DHRSX: variants seen among roughly 807,000 people sequenced by gnomAD.
DHRSX encodes dehydrogenase/reductase X-linked.
In DHRSX, 31 loss-of-function variants were observed where a neutral mutation model predicts 34.0. That is an observed-to-expected ratio of 0.91 (90% CI 0.69 to 1.23). The LOEUF (loss-of-function observed/expected upper bound fraction) is 1.23, where lower values mean the gene tolerates loss of function less well. Ranked by LOEUF, DHRSX falls within the 50% of genes most tolerant of loss-of-function variation. The probability of loss-of-function intolerance (pLI) is 0.00; values close to 1 mark genes in which losing one functional copy is unlikely to be tolerated. For missense variants in DHRSX, 414 were observed against 428.1 expected, an observed-to-expected ratio of 0.97 and a Z score of 0.29; for synonymous variants, 201 against 183.8, an observed-to-expected ratio of 1.09 and a Z score of -0.76.
At chrX:2,480,263 C>G (rs2044748846) in intron 1 of DHRSX, among the ~76,000 whole-genome samples, 1 of 150,810 alleles carries the variant, frequency 6.6e-6, no homozygotes, top group Non-Finnish European at 1.5e-5. Context: ...GAACCAGGCA[C>G]AGAGAGACAA....
chrX:2,418,328 G>A (rs2317101), intron 2 of DHRSX, among the ~76,000 whole-genome samples: 123,113 of 151,940 alleles, frequency 0.81, 50,573 homozygotes, highest in East Asian at 0.94. Context: ...AATACAACTA[G>A]ACTTCATCAT....
intron 5 of DHRSX, among the ~76,000 whole-genome samples, chrX:2,264,648 C>T (rs1219040667): frequency 1.3e-5 from 2 of 150,762 alleles, no homozygotes; most frequent in African/African-American, 4.9e-5. Flanking sequence ...GTGCCCAGAA[C>T]ATCTGTGCCC....
At chrX:2,387,976 G>A (rs184808869) in intron 3 of DHRSX, among the ~76,000 whole-genome samples, 21 of 151,752 alleles carry the variant, frequency 1.4e-4, no homozygotes, top group Admixed American at 1.2e-3. Flanking sequence ...GTGCCAGGGA[G>A]GCATGGGGTA....
At chrX:2,367,667 C>T (rs897979140) in intron 3 of DHRSX, among the ~76,000 whole-genome samples, 15 of 151,862 alleles carry the variant, frequency 9.9e-5, no homozygotes, top group African/African-American at 2.7e-4. Flanking sequence ...ATTGGAGAGG[C>T]GTACCCAAGA....
At chrX:2,357,346 C>T (rs1286860160) in intron 3 of DHRSX, among the ~76,000 whole-genome samples, 7 of 151,596 alleles carry the variant, frequency 4.6e-5, no homozygotes, top group Admixed American at 1.3e-4. Context: ...GGAAAGGTTT[C>T]GTGCAAAGAA....
chrX:2,330,183 GAGA>G (rs2042447023), intron 3 of DHRSX, among the ~76,000 whole-genome samples: 1 of 146,040 alleles, frequency 6.8e-6, no homozygotes, highest in Non-Finnish European at 1.5e-5. Flanking sequence ...AGAGGAGGAG[GAGA>G]AGCAGGAGGA....
chrX:2,444,673 A>T (rs1321558646), intron 1 of DHRSX, among the ~76,000 whole-genome samples: 1 of 151,932 alleles, frequency 6.6e-6, no homozygotes, highest in Non-Finnish European at 1.5e-5. Flanking sequence ...TCTACAAATA[A>T]TTTTTTTAAA....
chrX:2,493,663 C>A (rs2045214240), intron 1 of DHRSX, among the ~76,000 whole-genome samples: 1 of 151,676 alleles, frequency 6.6e-6, no homozygotes, highest in South Asian at 2.1e-4. Flanking sequence ...GGTCTCAGTA[C>A]CTGTAGCAAA....
intron 5 of DHRSX, among the ~76,000 whole-genome samples, chrX:2,255,890 G>C (rs1255722800): frequency 6.6e-6 from 1 of 151,850 alleles, no homozygotes; most frequent in African/African-American, 2.4e-5. Context: ...CTCCAGCCTC[G>C]ATGCCTGGGT....
At position 2,236,774 on chromosome X, in the gene DHRSX, T is replaced by C. The variant is rs146249630; in HGVS notation, c.804+6249A>G. ...TGGAGCATGGGGGACTGGAAGTGAA[T>C]TGTATGAGCAATTCCTGTATGGGGA... On this transcript the variant is annotated intron_variant, in intron 6 of 6. Coordinates refer to ENST00000334651, the MANE Select transcript of DHRSX (RefSeq NM_145177.3). Among the ~76,000 whole-genome samples, 269 of 151,874 alleles carry C rather than the reference T, an allele frequency of 1.8e-3. 1 individual carries two copies. The highest frequency in any genetic ancestry group is 6.2e-3 in the African/African-American group (255 of 41,432).
Position 2,349,268 on chromosome X carries a change from G to A in DHRSX, c.287-57665C>T, listed in dbSNP as rs182855372. On this transcript the variant is annotated intron_variant, in intron 3 of 6. Transcript: ENST00000334651. ...AACCCAAGCGTTCAATAGATGAATG[G>A]ATGAAGAAAATGCGGTACAGCTGGG... Among the ~76,000 whole-genome samples the A allele has an allele frequency of 2.8e-3, 432 of 152,152 alleles. 3 individuals are homozygous for A. Among genetic ancestry groups the A allele is most frequent in the African/African-American group, 9.4e-3 (391 of 41,504 alleles).
intron 3 of DHRSX, among the ~76,000 whole-genome samples, chrX:2,340,460 G>GTATA (rs745970460): frequency 0.029 from 4,374 of 150,866 alleles, 101 homozygotes; most frequent in Middle Eastern, 0.14. Context: ...GTGTGTGTGT[G>GTATA]TATATATATA....
chrX:2,292,877 T>C (rs891726739), intron 3 of DHRSX, among the ~76,000 whole-genome samples: 9 of 152,218 alleles, frequency 5.9e-5, no homozygotes, highest in South Asian at 2.1e-4. Flanking sequence ...ATGTAACTAA[T>C]ACACAAAATG....
chrX:2,277,155 G>A (rs1480221335), intron 4 of DHRSX, among the ~76,000 whole-genome samples: 2 of 8,430 alleles, frequency 2.4e-4, no homozygotes, highest in Non-Finnish European at 4.1e-4. Flanking sequence ...GGAGGAAATA[G>A]GGGAAAGAGA....
chrX:2,319,012 C>T (rs2086454041), intron 3 of DHRSX, among the ~76,000 whole-genome samples: 1 of 152,112 alleles, frequency 6.6e-6, no homozygotes, highest in African/African-American at 2.4e-5. Flanking sequence ...AACTGCAGCC[C>T]TCTAGCAAAA....
At chrX:2,317,716 C>A (rs1262351602) in intron 3 of DHRSX, among the ~76,000 whole-genome samples, 3 of 152,124 alleles carry the variant, frequency 2.0e-5, no homozygotes, top group Admixed American at 6.6e-5. Context: ...ACACATTTTA[C>A]ATGGCAAAGT....
intron 5 of DHRSX, among the ~76,000 whole-genome samples, chrX:2,249,624 A>G (rs1276988591): frequency 7.0e-6 from 1 of 143,424 alleles, no homozygotes; most frequent in Non-Finnish European, 1.5e-5. Flanking sequence ...CCCGGGTTCA[A>G]GTGATTCTCC....
At chrX:2,301,362 C>T (rs1270084016) in intron 3 of DHRSX, among the ~76,000 whole-genome samples, 4 of 151,990 alleles carry the variant, frequency 2.6e-5, no homozygotes, top group Non-Finnish European at 4.4e-5. Context: ...TGCAGTGAGC[C>T]GAGACCATGC....
chrX:2,306,833 C>T (rs1200893206), intron 3 of DHRSX, among the ~76,000 whole-genome samples: 6 of 151,792 alleles, frequency 4.0e-5, no homozygotes, highest in African/African-American at 1.5e-4. Flanking sequence ...AATCCCTCCG[C>T]CTCAATTTTT....
Sources: gnomAD v4.1 joint callset for allele counts (sites outside exome capture counted in the v4.1 genomes callset) on GRCh38, gnomAD v4.1.1 for gene constraint, MANE v1.5 for transcripts, NCBI Gene and HGNC (gene_info 2026-07-23, HGNC 2026-07-21) for gene names.